The following DISC1 variants were observed in gnomAD, a reference collection of about 807,000 sequenced individuals.
DISC1 encodes the protein disrupted in schizophrenia 1 protein.
DISC1 carries 57 observed loss-of-function variants against 84.5 expected under a neutral mutation model. The observed-to-expected ratio is 0.67, with a 90% CI of 0.55 to 0.84. DISC1 has a LOEUF of 0.84. Ranked by LOEUF, DISC1 falls within the 40% of genes least tolerant of loss-of-function variation. The pLI is 0.00. For missense variants in DISC1, 1,000 were observed against 1,057.8 expected (o/e 0.95, Z 0.76); for synonymous variants, 411 against 415.2 (o/e 0.99, Z 0.12).
chr1:231,748,297 G>T (rs2074232189), intron 3 of DISC1, among the ~76,000 whole-genome samples: 1 of 152,106 alleles, frequency 6.6e-6, no homozygotes, highest in African/African-American at 2.4e-5. Context: ...TGACAGTTGG[G>T]CATCCTTGTG....
At chr1:231,857,197 C>G (rs2084331579) in intron 9 of DISC1, among the ~76,000 whole-genome samples, 1 of 152,186 alleles carries the variant, frequency 6.6e-6, no homozygotes, top group Non-Finnish European at 1.5e-5. Flanking sequence ...GTTTTGGTCA[C>G]AACAGAAAGG....
chr1:231,714,902 C>T (rs1403822468), intron 3 of DISC1, among the ~76,000 whole-genome samples: 2 of 152,222 alleles, frequency 1.3e-5, no homozygotes, highest in Non-Finnish European at 2.9e-5. Context: ...GTTGTCCCAT[C>T]TTCAAGGGGA....
intron 6 of DISC1, among the ~76,000 whole-genome samples, chr1:231,793,415 G>T (rs569953503): frequency 6.6e-6 from 1 of 152,316 alleles, no homozygotes; most frequent in African/African-American, 2.4e-5. Context: ...CTTGCTGGGT[G>T]CCCAGTAGAT....
At chr1:231,803,323 C>A (rs933119791) in intron 8 of DISC1, among the ~76,000 whole-genome samples, 2 of 152,172 alleles carry the variant, frequency 1.3e-5, no homozygotes, top group Non-Finnish European at 2.9e-5. Flanking sequence ...TGGTATGCAT[C>A]TCTATTAATG....
intron 11 of DISC1, among the ~76,000 whole-genome samples, chr1:232,015,837 C>G (rs891570769): frequency 6.6e-6 from 1 of 152,200 alleles, no homozygotes; most frequent in Non-Finnish European, 1.5e-5. Context: ...AGCCATTGGT[C>G]ATTCCACACC....
intron 3 of DISC1, among the ~76,000 whole-genome samples, chr1:231,719,305 T>C (rs1036120200): frequency 1.3e-5 from 2 of 152,220 alleles, no homozygotes; most frequent in Non-Finnish European, 2.9e-5. Flanking sequence ...GAACTTAGCA[T>C]AGTGCTTGGT....
rs138060155 is a variant in DISC1 at position 231,935,163 on chromosome 1, T to C, written c.1982-23665T>C. 1.6e-3 allele frequency among the ~76,000 whole-genome samples: 241 copies of C among 152,296 alleles called. 1 individual carries two copies. The highest frequency in any genetic ancestry group is 5.6e-3 in the African/African-American group (231 of 41,568). On this transcript the variant is annotated intron_variant, in intron 9 of 12. Transcript: ENST00000439617. ...CACTGAGCCAAGCCTCAGAGGACTG[T>C]GGCATGTCGTGAGTGTTTAATATGC...
At chr1:231,780,106 A>G (rs1168294043) in intron 6 of DISC1, among the ~76,000 whole-genome samples, 1 of 152,054 alleles carries the variant, frequency 6.6e-6, no homozygotes. Flanking sequence ...GGGAGGGGCG[A>G]GGGATAGCAT....
chr1:231,989,690 A>G lies in DISC1; in HGVS notation c.2043-19095A>G, dbSNP rs188040507. 2.8e-3 allele frequency among the ~76,000 whole-genome samples: 421 copies of G among 152,316 alleles called. 4 individuals carry two copies. The highest frequency in any genetic ancestry group is 3.6e-3 in the Non-Finnish European group (242 of 68,022). On this transcript the variant is annotated intron_variant, in intron 10 of 12. Transcript: ENST00000439617. The stretch of plus-strand genomic sequence containing the variant: ...AAACTACAGAGTTGGGAAGATCGAG[A>G]TGAGACAGGCATATGAGCAGAAGTG...
In DISC1 at chr1:232,021,431, G is replaced by A. The variant is rs1231120657; in HGVS notation, c.2308-5004G>A. Among the ~76,000 whole-genome samples, 4 of 152,232 alleles carry A rather than the reference G, an allele frequency of 2.6e-5. No homozygotes were observed. In the South Asian group the frequency reaches 6.2e-4, roughly 24 times the overall value. On this transcript the variant is annotated intron_variant, in intron 11 of 12. Coordinates refer to ENST00000439617, the MANE Select transcript of DISC1 (RefSeq NM_018662.3). ...AACTTACACATTGAACTAGGAGCCA[G>A]GGATCTGGGATTACTGACCAGTGGC...
chr1:231,744,188 G>T (rs201069654), intron 3 of DISC1, among the ~76,000 whole-genome samples: 1 of 152,142 alleles, frequency 6.6e-6, no homozygotes, highest in Non-Finnish European at 1.5e-5. Context: ...ACGTAAAAAA[G>T]GATAATGTTT....
intron 11 of DISC1, among the ~76,000 whole-genome samples, chr1:232,018,650 G>A (rs1424836951): frequency 6.6e-6 from 1 of 152,174 alleles, no homozygotes; most frequent in Non-Finnish European, 1.5e-5. Flanking sequence ...CAAACATTCA[G>A]GCCTACGGGT....
At chr1:231,858,092 G>A (rs148340884) in intron 9 of DISC1, among the ~76,000 whole-genome samples, 1 of 152,310 alleles carries the variant, frequency 6.6e-6, no homozygotes, top group African/African-American at 2.4e-5. Context: ...AACCACTTGT[G>A]TCAGTTCAGT....
chr1:231,660,915 G>A (rs568623734), intron 1 of DISC1, among the ~76,000 whole-genome samples: 3 of 152,198 alleles, frequency 2.0e-5, no homozygotes, highest in South Asian at 2.1e-4. Flanking sequence ...ACAGTTTTTC[G>A]TTTCCATATT....
chr1:231,806,161 CT>C (rs2079691022), intron 8 of DISC1, among the ~76,000 whole-genome samples: 1 of 152,188 alleles, frequency 6.6e-6, no homozygotes, highest in Non-Finnish European at 1.5e-5. Context: ...CGTGACGTGG[CT>C]TTCCACAGAG....
chr1:231,883,648 C>T (rs2086455761), intron 9 of DISC1, among the ~76,000 whole-genome samples: 1 of 152,048 alleles, frequency 6.6e-6, no homozygotes, highest in Non-Finnish European at 1.5e-5. Flanking sequence ...AGGTTAGAGG[C>T]AGGTGAGGCC....
At position 232,036,742 on chromosome 1, in the gene DISC1, A is replaced by T. The variant is rs776420091; in HGVS notation, c.2476A>T (p.Ile826Phe). The change falls in exon 13 of 13, where the codon ATC becomes TTC. Residue 826 changes from isoleucine to phenylalanine, a missense_variant. Transcript: ENST00000439617. ...GGTGAAGGAAACTCTGCAGGCCATG[A>T]TCCTGCAGCTCCAGCCAGCAAAGGA... ...QMVKETLQAM[I>F]LQLQPAKEAG... The T allele has an allele frequency of 1.9e-6, 3 of 1,608,332 alleles. No homozygotes were observed. Among genetic ancestry groups the T allele is most frequent in the Admixed American group, 3.3e-5 (2 of 59,862 alleles).
At chr1:231,852,230 T>C (rs2125902345) in intron 9 of DISC1, among the ~76,000 whole-genome samples, 1 of 152,336 alleles carries the variant, frequency 6.6e-6, no homozygotes, top group East Asian at 1.9e-4. Context: ...TCCTCTGTAA[T>C]AGATGAGGAA....
intron 3 of DISC1, among the ~76,000 whole-genome samples, chr1:231,735,995 G>C (rs974830667): frequency 6.6e-6 from 1 of 152,096 alleles, no homozygotes; most frequent in Non-Finnish European, 1.5e-5. Context: ...TGTATTTTTT[G>C]TAGAAATGGG....
Sources: gnomAD v4.1 joint callset for allele counts (sites outside exome capture counted in the v4.1 genomes callset) on GRCh38, gnomAD v4.1.1 for gene constraint, MANE v1.5 for transcripts, NCBI Gene and HGNC (gene_info 2026-07-23, HGNC 2026-07-21) for gene names.